GPC6: variants seen among roughly 807,000 people sequenced by gnomAD.
GPC6 encodes glypican-6.
In GPC6, 14 loss-of-function variants were observed where a neutral mutation model predicts 55.2. The observed-to-expected ratio is 0.25, with a 90% CI of 0.17 to 0.40. The LOEUF (loss-of-function observed/expected upper bound fraction) is 0.40, where lower values mean the gene tolerates loss of function less well. GPC6 is among the 10% of genes least tolerant of loss of function. GPC6 has a pLI of 1.00. For synonymous variants in GPC6, 278 were observed against 259.6 expected (o/e 1.07, Z -0.68); for missense variants, 641 against 708.5 (o/e 0.90, Z 1.08).
At chr13:94,185,725 T>A (rs1300807795) in intron 4 of GPC6, among the ~76,000 whole-genome samples, 1 of 152,042 alleles carries the variant, frequency 6.6e-6, no homozygotes, top group East Asian at 1.9e-4. Context: ...CATCTTGGCA[T>A]CCCCAGCGTG....
At chr13:93,549,404 T>C (rs1046786291) in intron 2 of GPC6, among the ~76,000 whole-genome samples, 2 of 152,168 alleles carry the variant, frequency 1.3e-5, no homozygotes, top group African/African-American at 2.4e-5. Context: ...TAAGAGGAAA[T>C]GGAGAACAGG....
At chr13:93,894,993 T>C (rs2140321364) in intron 3 of GPC6, among the ~76,000 whole-genome samples, 1 of 151,682 alleles carries the variant, frequency 6.6e-6, no homozygotes, top group South Asian at 2.1e-4. Flanking sequence ...GTTTATAACT[T>C]TCTTAATGTT....
intron 4 of GPC6, among the ~76,000 whole-genome samples, chr13:94,084,063 C>T (rs937376720): frequency 2.6e-5 from 4 of 152,224 alleles, no homozygotes; most frequent in African/African-American, 9.6e-5. Context: ...GGCTATAGTC[C>T]TTCCATCTCC....
chr13:93,268,427 G>A (rs1019755197), intron 1 of GPC6, among the ~76,000 whole-genome samples: 5 of 152,156 alleles, frequency 3.3e-5, no homozygotes, highest in African/African-American at 9.7e-5. Context: ...TTGAGTACCC[G>A]GTCAGTGAGA....
chr13:94,242,755 A>G (rs899704174), intron 4 of GPC6, among the ~76,000 whole-genome samples: 1 of 152,130 alleles, frequency 6.6e-6, no homozygotes, highest in African/African-American at 2.4e-5. Context: ...TGTGATTCAT[A>G]TAACACAATT....
chr13:94,145,769 A>T (rs987480560), intron 4 of GPC6, among the ~76,000 whole-genome samples: 5 of 152,224 alleles, frequency 3.3e-5, no homozygotes, highest in African/African-American at 1.2e-4. Flanking sequence ...CATACTTATA[A>T]ATAAGTGAAT....
intron 5 of GPC6, among the ~76,000 whole-genome samples, chr13:94,287,238 T>A (rs1892557646): frequency 6.6e-6 from 1 of 152,234 alleles, no homozygotes; most frequent in Admixed American, 6.5e-5. Context: ...TCTTGACTAG[T>A]ATCCCTTTCA....
chr13:94,105,329 A>T (rs1594739859), intron 4 of GPC6, among the ~76,000 whole-genome samples: 1 of 146,030 alleles, frequency 6.8e-6, no homozygotes, highest in Non-Finnish European at 1.5e-5. Context: ...ACTGTGCTCC[A>T]GCCTGAACAA....
chr13:94,011,874 C>T (rs1882261321), intron 3 of GPC6, among the ~76,000 whole-genome samples: 2 of 152,152 alleles, frequency 1.3e-5, no homozygotes, highest in Admixed American at 6.6e-5. Flanking sequence ...TTCATTATAG[C>T]ACCTCAAGCA....
intron 6 of GPC6, among the ~76,000 whole-genome samples, chr13:94,370,403 C>A (rs1173054961): frequency 6.6e-6 from 1 of 152,092 alleles, no homozygotes; most frequent in Non-Finnish European, 1.5e-5. Flanking sequence ...TGTCTGTTAC[C>A]CCTACTAGGC....
intron 1 of GPC6, among the ~76,000 whole-genome samples, chr13:93,432,533 A>G (rs1206921890): frequency 6.6e-6 from 1 of 152,178 alleles, no homozygotes; most frequent in African/African-American, 2.4e-5. Flanking sequence ...TCAAAGTTGC[A>G]GTCTTTCTGA....
chr13:93,969,566 C>T (rs1289665682), intron 3 of GPC6, among the ~76,000 whole-genome samples: 2 of 152,102 alleles, frequency 1.3e-5, no homozygotes, highest in Admixed American at 6.6e-5. Context: ...TTGAAGGCCT[C>T]CTGGCTAATA....
intron 4 of GPC6, among the ~76,000 whole-genome samples, chr13:94,256,005 C>G (rs1439911886): frequency 1.3e-5 from 2 of 151,942 alleles, no homozygotes; most frequent in Non-Finnish European, 2.9e-5. Flanking sequence ...TCAAAACTTG[C>G]AACTGACTGA....
chr13:93,369,468 T>C (rs999125474), intron 1 of GPC6, among the ~76,000 whole-genome samples: 4 of 152,158 alleles, frequency 2.6e-5, no homozygotes, highest in Admixed American at 2.0e-4. Context: ...AAAACTTTTC[T>C]GTTGTGACTT....
chr13:93,234,408 G>T (rs1876163737), intron 1 of GPC6, among the ~76,000 whole-genome samples: 1 of 152,126 alleles, frequency 6.6e-6, no homozygotes, highest in Non-Finnish European at 1.5e-5. Context: ...TTGGCCTTTA[G>T]CCTGAGTCCC....
intron 1 of GPC6, among the ~76,000 whole-genome samples, chr13:93,269,968 A>G (rs1877461050): frequency 6.6e-6 from 1 of 151,496 alleles, no homozygotes; most frequent in Non-Finnish European, 1.5e-5. Context: ...AGTAAGTTTA[A>G]AAGTCCCCAC....
intron 4 of GPC6, among the ~76,000 whole-genome samples, chr13:94,076,145 A>T (rs1404257228): frequency 3.4e-5 from 5 of 149,020 alleles, no homozygotes; most frequent in South Asian, 2.1e-4. Context: ...TTTTTTTTTT[A>T]AATAATGATC....
intron 6 of GPC6, among the ~76,000 whole-genome samples, chr13:94,321,366 G>A (rs1178255548): frequency 6.6e-6 from 1 of 152,160 alleles, no homozygotes; most frequent in African/African-American, 2.4e-5. Flanking sequence ...GAATTTTGCT[G>A]CGATGAACAT....
chr13:94,336,008 A>T (rs1877677766), intron 6 of GPC6, among the ~76,000 whole-genome samples: 1 of 151,836 alleles, frequency 6.6e-6, no homozygotes, highest in Non-Finnish European at 1.5e-5. Context: ...GAAGCCCAGG[A>T]AGTATTAGTT....
Sources: gnomAD v4.1 joint callset for allele counts (sites outside exome capture counted in the v4.1 genomes callset) on GRCh38, gnomAD v4.1.1 for gene constraint, MANE v1.5 for transcripts, NCBI Gene and HGNC (gene_info 2026-07-23, HGNC 2026-07-21) for gene names.